The following KCNG3 variants were observed in gnomAD, a reference collection of about 807,000 sequenced individuals.
KCNG3 encodes voltage-gated potassium channel regulatory subunit KCNG3.
In KCNG3, 15 loss-of-function variants were observed where a neutral mutation model predicts 29.0. The ratio of observed to expected loss-of-function variants is 0.52; its 90% CI spans 0.35 to 0.80. KCNG3 has a LOEUF of 0.80. Ranked by LOEUF, KCNG3 falls within the 30% of genes least tolerant of loss-of-function variation. KCNG3 has a pLI of 0.01. For missense variants in KCNG3, 512 were observed against 605.7 expected (o/e 0.85, Z 1.62); for synonymous variants, 322 against 248.9 (o/e 1.29, Z -2.76).
chr2:42,491,309 C>A (rs1006772287), intron 1 of KCNG3, among the ~76,000 whole-genome samples: 1 of 152,088 alleles, frequency 6.6e-6, no homozygotes, highest in Admixed American at 6.6e-5. Context: ...CCTCCCTCCC[C>A]CTAAGATTAT....
chr2:42,480,938 A>C (rs991480982), intron 1 of KCNG3, among the ~76,000 whole-genome samples: 2 of 151,840 alleles, frequency 1.3e-5, no homozygotes, highest in African/African-American at 4.8e-5. Context: ...GCACCATCAC[A>C]CCTGGCTAAT....
At chr2:42,470,393 C>T (rs546877231) in intron 1 of KCNG3, 7 of 212,240 alleles carry the variant, frequency 3.3e-5, no homozygotes, top group Admixed American at 1.2e-4. Context: ...TATTTGCAGT[C>T]AGGCATTGTA....
rs143997029 is a variant in KCNG3 at position 42,468,815 on chromosome 2, C to A, written c.665+24022G>T. Among the ~76,000 whole-genome samples, 736 of 151,702 alleles carry A rather than the reference C, an allele frequency of 4.9e-3. 5 individuals are homozygous for A. Among genetic ancestry groups the A allele is most frequent in the African/African-American group, 0.017 (690 of 41,336 alleles). On this transcript the variant is annotated intron_variant, in intron 1 of 1. Coordinates refer to ENST00000306078, the MANE Select transcript of KCNG3 (RefSeq NM_133329.6). The stretch of plus-strand genomic sequence containing the variant: ...TAAAAATACAAAAAAATTAGCTGGG[C>A]TTGGTGGCAGGCACCTGTAATCTCA...
downstream of KCNG3, among the ~76,000 whole-genome samples, chr2:42,437,698 G>T (rs940878579): frequency 3.9e-5 from 6 of 152,144 alleles, no homozygotes; most frequent in African/African-American, 1.4e-4. Context: ...AGCACTTTGG[G>T]AGGCTGAGGT....
chr2:42,480,252 C>T (rs902259781), intron 1 of KCNG3, among the ~76,000 whole-genome samples: 5 of 152,120 alleles, frequency 3.3e-5, no homozygotes, highest in African/African-American at 1.2e-4. Flanking sequence ...AATCAGGCAT[C>T]ACTTCCTGAT....
chr2:42,464,045 C>T (rs1353949986), intron 1 of KCNG3: 10 of 208,378 alleles, frequency 4.8e-5, no homozygotes, highest in Admixed American at 4.7e-4. Flanking sequence ...GTGGCAGGCT[C>T]GGTGGTGGCT....
the KCNG3 span, among the ~76,000 whole-genome samples, chr2:42,433,016 A>T: frequency 5.9e-5 from 9 of 152,130 alleles, no homozygotes; most frequent in African/African-American, 1.9e-4. Context: ...AAGTAAAGGG[A>T]ATCTATGGAA....
At position 42,493,720 on chromosome 2, in the gene KCNG3, C is replaced by A. The variant is rs1296602581; in HGVS notation, c.-219G>T. ...CGCGCCCTCCGCCCGGCGGTACCTG[C>A]GGGTGGCCGGGGAGTCCTCGCCGGC... On this transcript the variant is annotated 5_prime_UTR_variant, in exon 1 of 2. Transcript: ENST00000306078. 3 of 353,468 alleles carry A rather than the reference C, an allele frequency of 8.5e-6. No individual in the cohort carries two copies. Among genetic ancestry groups the A allele is most frequent in the Non-Finnish European group, 1.5e-5 (3 of 200,094 alleles). 21.9% of individuals were successfully genotyped at this position (353,468 alleles called of 1,614,324 possible). A position where few individuals can be genotyped will look rare whatever the true frequency, so the allele number is the denominator to read the frequency against.
intron 1 of KCNG3, among the ~76,000 whole-genome samples, chr2:42,487,347 CTTTT>C (rs60025476): frequency 1.7e-3 from 197 of 116,968 alleles, no homozygotes; most frequent in African/African-American, 6.1e-3. Context: ...TTTTTTCTTT[CTTTT>C]TTTTTTTTTT....
chr2:42,401,777 G>C, the KCNG3 span, among the ~76,000 whole-genome samples: 1 of 152,084 alleles, frequency 6.6e-6, no homozygotes, highest in African/African-American at 2.4e-5. Context: ...TGTGACACCT[G>C]GGAGGCTGAG....
chr2:42,440,409 G>A (rs1276713363), downstream of KCNG3: 1 of 150,718 alleles, frequency 6.6e-6, no homozygotes, highest in Admixed American at 6.6e-5. Flanking sequence ...GTGGACAGAA[G>A]GGATGTCTGA....
At chr2:42,422,782 C>G in the KCNG3 span, among the ~76,000 whole-genome samples, 1 of 152,152 alleles carries the variant, frequency 6.6e-6, no homozygotes, top group African/African-American at 2.4e-5. Context: ...CATCTGCACC[C>G]TAAGCCACCA....
At chr2:42,487,814 G>A (rs115571802) in intron 1 of KCNG3, among the ~76,000 whole-genome samples, 40 of 152,242 alleles carry the variant, frequency 2.6e-4, no homozygotes, top group Non-Finnish European at 4.9e-4. Flanking sequence ...TATATGAACA[G>A]GATAATCACT....
chr2:42,408,305 C>G, the KCNG3 span, among the ~76,000 whole-genome samples: 2 of 152,270 alleles, frequency 1.3e-5, no homozygotes, highest in Admixed American at 1.3e-4. Flanking sequence ...AGGGGCTGGG[C>G]TGCCTGTCCC....
the KCNG3 span, among the ~76,000 whole-genome samples, chr2:42,417,417 C>T: frequency 1.3e-5 from 2 of 151,990 alleles, no homozygotes; most frequent in African/African-American, 2.4e-5. Context: ...ACCTCCCAGG[C>T]TCAAGTGATC....
the KCNG3 span, among the ~76,000 whole-genome samples, chr2:42,435,760 T>C: frequency 2.0e-5 from 3 of 152,162 alleles, no homozygotes; most frequent in Non-Finnish European, 4.4e-5. Context: ...TTGGGGAGGA[T>C]GTGGAGAAAC....
At chr2:42,483,422 TG>T (rs1457581677) in intron 1 of KCNG3, among the ~76,000 whole-genome samples, 1 of 152,236 alleles carries the variant, frequency 6.6e-6, no homozygotes, top group African/African-American at 2.4e-5. Context: ...GAAATGATCG[TG>T]TTCTGTGCCA....
the KCNG3 span, among the ~76,000 whole-genome samples, chr2:42,420,592 C>A: frequency 6.6e-6 from 1 of 152,026 alleles, no homozygotes; most frequent in Admixed American, 6.6e-5. Context: ...GAGTTTCAGA[C>A]CAGCCTGACC....
chr2:42,446,208 G>A (rs1029949465), intron 1 of KCNG3, among the ~76,000 whole-genome samples: 3 of 148,600 alleles, frequency 2.0e-5, no homozygotes, highest in Non-Finnish European at 4.5e-5. Context: ...ATGGAGTGTC[G>A]TTCTGTCACC....
Sources: allele counts gnomAD v4.1 joint callset (sites outside exome capture counted in the v4.1 genomes callset), GRCh38; gene constraint gnomAD v4.1.1; transcripts MANE v1.5; gene names NCBI Gene and HGNC (gene_info 2026-07-23, HGNC 2026-07-21).